The following CELF2 variants were observed in gnomAD, a reference collection of about 807,000 sequenced individuals.
CELF2 encodes CUG triplet repeat RNA-binding protein 2.
A neutral mutation model predicts 62.6 loss-of-function variants in CELF2; 8 were observed. The ratio of observed to expected loss-of-function variants is 0.13; its 90% CI spans 0.07 to 0.23. The LOEUF (loss-of-function observed/expected upper bound fraction) is 0.23. CELF2 is among the 10% of genes least tolerant of loss of function. The probability of loss-of-function intolerance (pLI) is 1.00; values close to 1 mark genes in which losing one functional copy is unlikely to be tolerated. For missense variants in CELF2, 333 were observed against 671.0 expected (o/e 0.50, Z 5.56); for synonymous variants, 258 against 250.0 (o/e 1.03, Z -0.30).
chr10:11,251,004 A>T (rs2076957241), intron 4 of CELF2, among the ~76,000 whole-genome samples: 1 of 152,170 alleles, frequency 6.6e-6, no homozygotes, highest in African/African-American at 2.4e-5. Flanking sequence ...GGTGGGAGAC[A>T]CGAGAGATGA....
At chr10:11,284,888 G>GGGTGGA (rs2090655679) in intron 8 of CELF2, among the ~76,000 whole-genome samples, 1 of 151,148 alleles carries the variant, frequency 6.6e-6, no homozygotes, top group East Asian at 2.0e-4. Context: ...GGGTAGATGT[G>GGGTGGA]TGGGTGGATG....
chr10:10,587,495 A>AT, the CELF2 span, among the ~76,000 whole-genome samples: 1 of 152,316 alleles, frequency 6.6e-6, no homozygotes, highest in African/African-American at 2.4e-5. Flanking sequence ...CTTCCCAATT[A>AT]TTTTAACTCA....
At chr10:11,130,140 C>T (rs2059397835) in intron 1 of CELF2, among the ~76,000 whole-genome samples, 1 of 152,212 alleles carries the variant, frequency 6.6e-6, no homozygotes, top group Non-Finnish European at 1.5e-5. Flanking sequence ...ACCCAGTGGT[C>T]ATTCAGGAGC....
At chr10:11,271,828 A>G (rs2083909399) in intron 7 of CELF2, among the ~76,000 whole-genome samples, 1 of 151,966 alleles carries the variant, frequency 6.6e-6, no homozygotes, top group African/African-American at 2.4e-5. Flanking sequence ...TTTGTAGCAG[A>G]AGTTGTGCTT....
the CELF2 span, among the ~76,000 whole-genome samples, chr10:10,677,278 G>A: frequency 1.3e-5 from 2 of 152,164 alleles, no homozygotes; most frequent in Admixed American, 6.5e-5. Context: ...AGAGCCTTTG[G>A]CTACACCCTT....
chr10:11,328,981 T>C lies in CELF2; in HGVS notation c.1494T>C (p.Asn498=). The C allele has an allele frequency of 1.9e-6, 3 of 1,613,416 alleles. No homozygotes were observed. In the South Asian group the frequency reaches 3.3e-5, roughly 18 times the overall value. The change falls in exon 13 of 13, where the codon AAT becomes AAC. Residue 498 remains asparagine (N), a synonymous_variant. Transcript: ENST00000633077. The surrounding 1 kb of genome is among the most constrained non-coding windows in gnomAD (Gnocchi z 6.4). ...CACAAGCTGCTATCCAAGCTATGAA[T>C]GGCTTTCAGATCGGCATGAAACGCT... is the stretch of plus-strand genomic sequence containing the variant. ...VSAQAAIQAM[N]GFQIGMKRLK... is the part of the protein sequence containing the mutation.
the CELF2 span, among the ~76,000 whole-genome samples, chr10:10,587,673 C>G: frequency 6.6e-6 from 1 of 152,062 alleles, no homozygotes; most frequent in African/African-American, 2.4e-5. Context: ...AAGACAAGTC[C>G]TAGGAGCAGG....
chr10:10,642,404 G>A, the CELF2 span, among the ~76,000 whole-genome samples: 2 of 152,212 alleles, frequency 1.3e-5, no homozygotes, highest in Non-Finnish European at 2.9e-5. Flanking sequence ...ACAGAGTGTG[G>A]CATGGTTGCC....
chr10:10,662,198 A>G, the CELF2 span, among the ~76,000 whole-genome samples: 1 of 152,168 alleles, frequency 6.6e-6, no homozygotes, highest in Non-Finnish European at 1.5e-5. Flanking sequence ...GGAGACATAA[A>G]TTCTCTTCAT....
intron 1 of CELF2, among the ~76,000 whole-genome samples, chr10:10,830,115 T>C (rs531598774): frequency 6.6e-6 from 1 of 152,062 alleles, no homozygotes; most frequent in African/African-American, 2.4e-5. Context: ...GAGGCAGCAA[T>C]TTCTGTTGAA....
the CELF2 span, among the ~76,000 whole-genome samples, chr10:10,498,329 T>C: frequency 1.9e-4 from 29 of 152,266 alleles, no homozygotes; most frequent in Non-Finnish European, 3.5e-4. Context: ...GCCTCAAAGA[T>C]ACTGGAGGAG....
At chr10:11,304,298 C>G (rs560179046) in intron 9 of CELF2, among the ~76,000 whole-genome samples, 1 of 152,270 alleles carries the variant, frequency 6.6e-6, no homozygotes, top group South Asian at 2.1e-4. Flanking sequence ...CTGATTTTTT[C>G]TCTTTTGATT....
At chr10:11,213,265 G>A (rs1318734275) in intron 2 of CELF2, among the ~76,000 whole-genome samples, 1 of 152,184 alleles carries the variant, frequency 6.6e-6, no homozygotes, top group East Asian at 1.9e-4. Flanking sequence ...CCCTTACACC[G>A]ATGTTGGAAA....
intron 1 of CELF2, among the ~76,000 whole-genome samples, chr10:11,129,922 ATTTG>A (rs1189771586): frequency 6.6e-6 from 1 of 152,046 alleles, no homozygotes; most frequent in East Asian, 1.9e-4. Context: ...CAGCTTTTAA[ATTTG>A]TTTGCTCTTG....
chr10:11,089,468 C>T (rs573499695), intron 1 of CELF2, among the ~76,000 whole-genome samples: 12 of 152,160 alleles, frequency 7.9e-5, no homozygotes, highest in East Asian at 3.9e-4. Context: ...GCAGGCATCT[C>T]GACATTTAGA....
At chr10:11,082,302 T>A (rs531347972) in intron 1 of CELF2, among the ~76,000 whole-genome samples, 1 of 152,308 alleles carries the variant, frequency 6.6e-6, no homozygotes, top group African/African-American at 2.4e-5. Context: ...CAGCCAACGG[T>A]TGAACTTTGT....
At chr10:11,225,394 G>A (rs1454031505) in intron 3 of CELF2, among the ~76,000 whole-genome samples, 5 of 152,164 alleles carry the variant, frequency 3.3e-5, no homozygotes, top group Non-Finnish European at 7.3e-5. Flanking sequence ...TGGACTGAGT[G>A]GCCCTTTCCA....
Position 11,010,770 on chromosome 10 carries a change from T to C in CELF2, c.53+5330T>C, listed in dbSNP as rs920675055. On this transcript the variant is annotated intron_variant, in intron 1 of 12. Transcript: ENST00000416382. The surrounding 1 kb of genome is among the most constrained non-coding windows in gnomAD (Gnocchi z 4.1). ...GTTCCACTGTAGACGTTGATTTGTG[T>C]CTCCTGGCTTTAACTAGCGAGGAAG... is the stretch of plus-strand genomic sequence containing the variant. The C allele has an allele frequency of 6.6e-6, 1 of 152,240 alleles. No homozygotes were observed. Among genetic ancestry groups the C allele is most frequent in the Non-Finnish European group, 1.5e-5 (1 of 68,044 alleles). 9.4% of individuals were successfully genotyped at this position (152,240 alleles called of 1,614,324 possible). A position where few individuals can be genotyped will look rare whatever the true frequency, so the allele number is the denominator to read the frequency against.
At chr10:11,074,078 C>CT (rs2071062735) in intron 1 of CELF2, among the ~76,000 whole-genome samples, 1 of 152,156 alleles carries the variant, frequency 6.6e-6, no homozygotes, top group African/African-American at 2.4e-5. Context: ...CAAGTTCTGT[C>CT]TGCAGGCTAA....
Sources: gnomAD v4.1 joint callset for allele counts (sites outside exome capture counted in the v4.1 genomes callset) on GRCh38, gnomAD v4.1.1 for gene constraint, Gnocchi (gnomAD v3.1) non-coding constraint, MANE v1.5 for transcripts, NCBI Gene and HGNC (gene_info 2026-07-23, HGNC 2026-07-21) for gene names.